JAK1: variants seen among roughly 807,000 people sequenced by gnomAD.
JAK1 encodes tyrosine-protein kinase JAK1.
JAK1 carries 16 observed loss-of-function variants against 136.6 expected under a neutral mutation model. The ratio of observed to expected loss-of-function variants is 0.12; its 90% CI spans 0.08 to 0.18. The LOEUF (loss-of-function observed/expected upper bound fraction) is 0.18, where lower values mean the gene tolerates loss of function less well. Ranked by LOEUF, JAK1 falls within the 10% of genes least tolerant of loss-of-function variation. The pLI, the probability that JAK1 is intolerant of heterozygous loss-of-function variation, is 1.00. For synonymous variants in JAK1, 492 were observed against 519.5 expected (o/e 0.95, Z 0.72); for missense variants, 859 against 1,450.1 (o/e 0.59, Z 6.62).
At chr1:64,898,122 T>C (rs2101441421) in intron 1 of JAK1, among the ~76,000 whole-genome samples, 1 of 152,322 alleles carries the variant, frequency 6.6e-6, no homozygotes, top group Non-Finnish European at 1.5e-5. Flanking sequence ...CTAGAGGTTT[T>C]CTTGTGTAAA....
At chr1:64,889,531 T>G (rs1644903048) in intron 1 of JAK1, among the ~76,000 whole-genome samples, 1 of 152,162 alleles carries the variant, frequency 6.6e-6, no homozygotes, top group Non-Finnish European at 1.5e-5. Context: ...GGAAATTTTG[T>G]GGGTTACTCA....
chr1:64,985,169 A>G lies in JAK1; in HGVS notation c.-78+59311T>C. ...AGATAGTATTAACCACACCCACACC[A>G]ATGGTGACACAGATGGGCTCTTGAA... is the stretch of plus-strand genomic sequence containing the variant. On this transcript the variant is annotated intron_variant, in intron 2 of 25. Coordinates refer to the JAK1 transcript ENST00000671954. The G allele has an allele frequency of 2.8e-6, 4 of 1,412,052 alleles. No homozygotes were observed. In the South Asian group the frequency reaches 4.6e-5, roughly 16 times the overall value. 87.5% of individuals were successfully genotyped at this position (1,412,052 alleles called of 1,614,324 possible).
intron 2 of JAK1, among the ~76,000 whole-genome samples, chr1:65,036,121 A>T (rs1296512412): frequency 6.6e-6 from 1 of 152,078 alleles, no homozygotes; most frequent in Non-Finnish European, 1.5e-5. Flanking sequence ...ATTGGGATGG[A>T]TAGTGTGATG....
intron 1 of JAK1, among the ~76,000 whole-genome samples, chr1:64,942,812 T>C (rs940483180): frequency 1.9e-4 from 29 of 152,142 alleles, no homozygotes; most frequent in African/African-American, 6.3e-4. Context: ...GGGAAGAACC[T>C]CTCATATTAC....
chr1:64,841,420 C>A, intron 18 of JAK1, 31 bp downstream of exon 18: 5 of 1,613,972 alleles, frequency 3.1e-6, no homozygotes, highest in Non-Finnish European at 4.2e-6. Flanking sequence ...TCTCCCCAAG[C>A]TGGGTTAAAG....
chr1:64,835,501 GAAC>G lies in JAK1; in HGVS notation c.3261_3263del (p.Leu1087del). On this transcript the variant is annotated inframe_deletion and splice_region_variant, in exon 24 of 25. Transcript: ENST00000342505. ...CATGGGTTGGGCCTATCATTTTCAG[GAAC>G]AACTATATAAAATAAAATCAAACAA... The G allele has an allele frequency of 6.4e-7, 1 of 1,559,938 alleles. No homozygotes were observed. Among genetic ancestry groups the G allele is most frequent in the Non-Finnish European group, 8.8e-7 (1 of 1,142,736 alleles).
intron 9 of JAK1, among the ~76,000 whole-genome samples, chr1:64,858,282 C>T (rs1417498209): frequency 6.6e-6 from 1 of 152,150 alleles, no homozygotes. Flanking sequence ...TTCTTTGTAT[C>T]CCCAGGACCA....
intron 2 of JAK1, among the ~76,000 whole-genome samples, chr1:65,032,420 T>C (rs1266566443): frequency 6.6e-6 from 1 of 152,234 alleles, no homozygotes; most frequent in African/African-American, 2.4e-5. Context: ...TCATTCTGTC[T>C]GAAGTGGTTG....
intron 2 of JAK1, among the ~76,000 whole-genome samples, chr1:64,989,002 GTATATATA>G (rs57569640): frequency 0.059 from 7,643 of 129,206 alleles, 279 homozygotes; most frequent in South Asian, 0.11. Flanking sequence ...GTGTGTGTGT[GTATATATA>G]TATATATATA....
chr1:64,866,193 T>C (rs780599942), intron 7 of JAK1, among the ~76,000 whole-genome samples: 4 of 152,204 alleles, frequency 2.6e-5, no homozygotes, highest in African/African-American at 4.8e-5. Context: ...AGTTAGACAG[T>C]AGGTACCTCC....
chr1:65,029,906 T>A (rs1647008175), intron 2 of JAK1, among the ~76,000 whole-genome samples: 1 of 152,082 alleles, frequency 6.6e-6, no homozygotes, highest in South Asian at 2.1e-4. Context: ...AACACAAGTT[T>A]ACCTACATAA....
chr1:64,927,516 A>C (rs528029768), intron 1 of JAK1, among the ~76,000 whole-genome samples: 6 of 152,344 alleles, frequency 3.9e-5, no homozygotes, highest in African/African-American at 1.2e-4. Context: ...GACAAACTTC[A>C]AACCCAGATT....
chr1:64,924,800 T>A (rs993584393), intron 1 of JAK1, among the ~76,000 whole-genome samples: 8 of 152,168 alleles, frequency 5.3e-5, no homozygotes, highest in Non-Finnish European at 1.2e-4. Flanking sequence ...TCCAACCCCA[T>A]AATGATGATC....
rs375138111 is a variant in JAK1 at position 64,975,271 on chromosome 1, A to G, written c.-78+69209T>C. Among the ~76,000 whole-genome samples, 30 of 152,294 alleles carry G rather than the reference A, an allele frequency of 2.0e-4. 5 individuals are homozygous for G. The highest frequency in any genetic ancestry group is 3.3e-4 in the Admixed American group (5 of 15,294). ...CCACTGCACCCCAAAAGAACTGACC[A>G]GCTTTCATATACCTGCCATGCTCTG... On this transcript the variant is annotated intron_variant, in intron 2 of 25. Transcript: ENST00000671954.
At chr1:64,936,306 C>G (rs1043029370) in intron 1 of JAK1, among the ~76,000 whole-genome samples, 1 of 152,058 alleles carries the variant, frequency 6.6e-6, no homozygotes, top group Non-Finnish European at 1.5e-5. Context: ...CTACATTTAC[C>G]CTCAACTCCA....
At chr1:65,050,936 T>C (rs1647267551) in intron 1 of JAK1, among the ~76,000 whole-genome samples, 1 of 152,136 alleles carries the variant, frequency 6.6e-6, no homozygotes, top group Non-Finnish European at 1.5e-5. Flanking sequence ...TTCTACTCTT[T>C]GAGGATTTCA....
At chr1:65,006,422 C>G (rs1646804547) in intron 2 of JAK1, among the ~76,000 whole-genome samples, 1 of 152,062 alleles carries the variant, frequency 6.6e-6, no homozygotes, top group Non-Finnish European at 1.5e-5. Flanking sequence ...CAGTGGTACT[C>G]TCATAGCTTA....
intron 1 of JAK1, among the ~76,000 whole-genome samples, chr1:64,956,635 G>T (rs1245059209): frequency 1.3e-5 from 2 of 152,124 alleles, no homozygotes; most frequent in Non-Finnish European, 2.9e-5. Context: ...TAGACTGTTG[G>T]CTACTTAAGG....
At chr1:64,989,369 A>AAATT (rs1366644400) in intron 2 of JAK1, 5 of 149,638 alleles carry the variant, frequency 3.3e-5, no homozygotes, top group African/African-American at 7.4e-5. Context: ...ATAAATAAAT[A>AAATT]AAATAAACTC....
Sources: gnomAD v4.1 joint callset for allele counts (sites outside exome capture counted in the v4.1 genomes callset) on GRCh38, gnomAD v4.1.1 for gene constraint, MANE v1.5 for transcripts, NCBI Gene and HGNC (gene_info 2026-07-23, HGNC 2026-07-21) for gene names.